The following ATP8A2 variants were observed in gnomAD, a reference collection of about 807,000 sequenced individuals.
ATP8A2 encodes the protein ATPase phospholipid transporting 8A2.
In ATP8A2, 100 loss-of-function variants were observed where a neutral mutation model predicts 165.6. That is an observed-to-expected ratio of 0.60 (90% CI 0.51 to 0.71). The LOEUF is 0.71. Among genes scored for constraint, ATP8A2 ranks in the 30% least tolerant of loss-of-function variants. The probability of loss-of-function intolerance (pLI) is 0.00; values close to 1 mark genes in which losing one functional copy is unlikely to be tolerated. For synonymous variants in ATP8A2, 543 were observed against 548.8 expected (o/e 0.99, Z 0.15); for missense variants, 1,227 against 1,479.5 (o/e 0.83, Z 2.80).
At position 25,953,538 on chromosome 13, in the gene ATP8A2, A is replaced by AC. The variant is rs1239760772; in HGVS notation, c.3184-8037_3184-8036insC. ...CAGCCTTTTTAAAAAAAAAAAAAAA[A>AC]AAAAAAAAGCAAGGGAAATAGGCAA... On this transcript the variant is annotated intron_variant, in intron 33 of 36. Coordinates refer to ENST00000381655, the MANE Select transcript of ATP8A2 (RefSeq NM_016529.6). The surrounding 1 kb of genome is among the most constrained non-coding windows in gnomAD (Gnocchi z 6.7). Among the ~76,000 whole-genome samples, 13 of 141,604 alleles carry AC rather than the reference A, an allele frequency of 9.2e-5. No homozygotes were observed. The highest frequency in any genetic ancestry group is 3.5e-4 in the African/African-American group (13 of 37,584). 92.9% of individuals were successfully genotyped at this position (141,604 alleles called of 152,430 possible). A position where few individuals can be genotyped will look rare whatever the true frequency, so the allele number is the denominator to read the frequency against.
In ATP8A2 at chr13:25,871,620, G is replaced by A. The variant is rs901576404; in HGVS notation, c.3183+9212G>A. Among the ~76,000 whole-genome samples, 8 of 152,166 alleles carry A rather than the reference G, an allele frequency of 5.3e-5. No individual in the cohort carries two copies. In the South Asian group the frequency reaches 6.2e-4, roughly 12 times the overall value. On this transcript the variant is annotated intron_variant, in intron 33 of 36. Transcript: ENST00000381655. ...AAATGATGATGCAAAAGCTATTGTGGACAGTATCTGAGAGGCCCAAAATAC... is the reference window on the plus strand; with the variant it reads ...AAATGATGATGCAAAAGCTATTGTGAACAGTATCTGAGAGGCCCAAAATAC...
intron 1 of ATP8A2, among the ~76,000 whole-genome samples, chr13:25,422,282 G>A (rs2034323384): frequency 6.6e-6 from 1 of 152,188 alleles, no homozygotes; most frequent in Non-Finnish European, 1.5e-5. Context: ...TTTGGCACAA[G>A]CATTTGCTTA....
rs565584200 is a variant in ATP8A2 at position 25,795,490 on chromosome 13, G to A, written c.2679+20531G>A. Reference sequence around the variant, plus strand: ...GATTGTCAGCACATTGACATAGATTGTTTTAGATGTATATTTTTAGTGGGA... The same window carrying A: ...GATTGTCAGCACATTGACATAGATTATTTTAGATGTATATTTTTAGTGGGA... On this transcript the variant is annotated intron_variant, in intron 27 of 36. Coordinates refer to ENST00000381655, the MANE Select transcript of ATP8A2 (RefSeq NM_016529.6). Among the ~76,000 whole-genome samples the A allele has an allele frequency of 3.3e-5, 5 of 152,278 alleles. No individual in the cohort carries two copies. In the South Asian group the frequency reaches 1.0e-3, roughly 32 times the overall value.
At chr13:25,614,378 T>G (rs2040767509) in intron 24 of ATP8A2, among the ~76,000 whole-genome samples, 1 of 152,166 alleles carries the variant, frequency 6.6e-6, no homozygotes, top group African/African-American at 2.4e-5. Flanking sequence ...TTTTTTTTAT[T>G]TATGTTGTCT....
At chr13:25,637,092 C>CAAAAAAAAAAAA (rs56069703) in intron 24 of ATP8A2, among the ~76,000 whole-genome samples, 1 of 67,664 alleles carries the variant, frequency 1.5e-5, no homozygotes, top group African/African-American at 5.7e-5. Flanking sequence ...GACCCTGTCT[C>CAAAAAAAAAAAA]AAAAAAAAAA....
At chr13:25,431,911 T>C (rs2034625414) in intron 1 of ATP8A2, among the ~76,000 whole-genome samples, 1 of 152,170 alleles carries the variant, frequency 6.6e-6, no homozygotes, top group South Asian at 2.1e-4. Context: ...GTCTCCCAGC[T>C]CCTGAAAATC....
Position 25,858,293 on chromosome 13 carries a change from C to T in ATP8A2, c.2957-1902C>T, listed in dbSNP as rs117362531. On this transcript the variant is annotated intron_variant, in intron 30 of 36. Coordinates refer to ENST00000381655, the MANE Select transcript of ATP8A2 (RefSeq NM_016529.6). Reference sequence around the variant, plus strand: ...TTCAGCCTTTCTTTTACTTTTTTAACTTGCTCCCTTCCTTCCCTTTTAATG... The same window carrying T: ...TTCAGCCTTTCTTTTACTTTTTTAATTTGCTCCCTTCCTTCCCTTTTAATG... Among the ~76,000 whole-genome samples the T allele has an allele frequency of 5.0e-3, 756 of 152,234 alleles. 5 individuals are homozygous for T. The highest frequency in any genetic ancestry group is 8.3e-3 in the Non-Finnish European group (562 of 68,010).
At position 25,686,001 on chromosome 13, in the gene ATP8A2, A is replaced by G. The variant is rs891844716; in HGVS notation, c.2212-13172A>G. Among the ~76,000 whole-genome samples the G allele has an allele frequency of 5.3e-5, 8 of 152,252 alleles. No individual in the cohort carries two copies. In the South Asian group the frequency reaches 1.7e-3, roughly 32 times the overall value. ...CATTGTTTGCTGATTGATTGAATAT[A>G]TGGGGTATGACAGAAAGGAAGAAGA... On this transcript the variant is annotated intron_variant, in intron 24 of 36. Coordinates refer to ENST00000381655, the MANE Select transcript of ATP8A2 (RefSeq NM_016529.6).
At chr13:25,465,719 CTTT>C (rs1566153360) in intron 1 of ATP8A2, among the ~76,000 whole-genome samples, 456 of 40,238 alleles carry the variant, frequency 0.011, 46 homozygotes, top group African/African-American at 0.038. Flanking sequence ...TTCTTTCTTT[CTTT>C]CTTTCTTTCT....
intron 24 of ATP8A2, among the ~76,000 whole-genome samples, chr13:25,597,344 T>G (rs778063832): frequency 6.6e-6 from 1 of 152,248 alleles, no homozygotes; most frequent in Non-Finnish European, 1.5e-5. Context: ...TTTGACTTGA[T>G]TTTAACCAGT....
chr13:25,757,503 A>G (rs201959724), intron 25 of ATP8A2, among the ~76,000 whole-genome samples: 29 of 150,544 alleles, frequency 1.9e-4, no homozygotes, highest in East Asian at 2.0e-4. Context: ...ACGATATACT[A>G]TGTGTGTGTG....
Position 25,961,663 on chromosome 13 carries a change from C to T in ATP8A2, c.3272C>T (p.Ala1091Val), listed in dbSNP as rs199725711. Residue 1091 changes from alanine (A) to valine (V), a missense_variant and splice_region_variant, in exon 34 of 37, where the codon GCA (alanine) becomes GTA (valine). Ala to Val is a moderately conservative substitution (Grantham distance 64). This residue lies in a region of ATP8A2 where 260 missense variants were observed against 245.1 expected (regional missense o/e 1.06). Coordinates refer to ENST00000381655, the MANE Select transcript of ATP8A2 (RefSeq NM_016529.6). ...ACLIEDVAWR[A>V]AKHTCKKTLL... ...TTGATTGAAGATGTGGCATGGAGAG[C>T]GTAAGTTTAACAGTGAAGCGGGGAC... The T allele has an allele frequency of 1.8e-4, 287 of 1,610,894 alleles. No individual in the cohort carries two copies. The highest frequency in any genetic ancestry group is 2.3e-4 in the Non-Finnish European group (265 of 1,177,270).
At chr13:25,687,590 C>G (rs892965503) in intron 24 of ATP8A2, among the ~76,000 whole-genome samples, 7 of 152,326 alleles carry the variant, frequency 4.6e-5, no homozygotes, top group African/African-American at 1.7e-4. Flanking sequence ...CGTTGATATT[C>G]AGTGACTTCT....
At chr13:25,789,908 A>G (rs752244369) in intron 27 of ATP8A2, among the ~76,000 whole-genome samples, 1 of 152,222 alleles carries the variant, frequency 6.6e-6, no homozygotes, top group Non-Finnish European at 1.5e-5. Context: ...CAGAATAGAG[A>G]ACCCAGAAAT....
chr13:25,972,052 T>A (rs1369077199), intron 35 of ATP8A2, among the ~76,000 whole-genome samples: 2 of 152,126 alleles, frequency 1.3e-5, no homozygotes, highest in East Asian at 3.9e-4. Flanking sequence ...TTCTAGCAGT[T>A]TTTCTTAGGA....
chr13:25,596,362 A>AT (rs1009050144), intron 24 of ATP8A2, among the ~76,000 whole-genome samples: 2 of 152,238 alleles, frequency 1.3e-5, no homozygotes, highest in Admixed American at 6.5e-5. Context: ...ATGGTGATAT[A>AT]TTTTGACAAA....
chr13:25,602,659 G>A (rs1360005804), intron 24 of ATP8A2, among the ~76,000 whole-genome samples: 1 of 152,194 alleles, frequency 6.6e-6, no homozygotes, highest in African/African-American at 2.4e-5. Context: ...GAGTGAAGAG[G>A]GAGCCAGAGA....
At chr13:25,960,793 C>G (rs978434286) in intron 33 of ATP8A2, among the ~76,000 whole-genome samples, 2 of 152,178 alleles carry the variant, frequency 1.3e-5, no homozygotes, top group Non-Finnish European at 2.9e-5. Context: ...CCCCAAAACC[C>G]TCTCTACCTG....
chr13:25,633,153 A>G (rs2041285606), intron 24 of ATP8A2, among the ~76,000 whole-genome samples: 1 of 152,192 alleles, frequency 6.6e-6, no homozygotes, highest in Non-Finnish European at 1.5e-5. Context: ...GCTTGGTGAT[A>G]TCCTTTATAA....
Sources: gnomAD v4.1 joint callset for allele counts (sites outside exome capture counted in the v4.1 genomes callset) on GRCh38, gnomAD v4.1.1 for gene constraint, gnomAD v4.1.1 regional missense constraint, Gnocchi (gnomAD v3.1) non-coding constraint, MANE v1.5 for transcripts, NCBI Gene and HGNC (gene_info 2026-07-23, HGNC 2026-07-21) for gene names.